GRXCR2: variants seen among roughly 807,000 people sequenced by gnomAD.
The protein encoded by GRXCR2 is glutaredoxin domain-containing cysteine-rich protein 2.
GRXCR2 carries 23 observed loss-of-function variants against 24.8 expected under a neutral mutation model. The observed-to-expected ratio is 0.93, with a 90% CI of 0.67 to 1.32. GRXCR2 has a LOEUF of 1.32. GRXCR2 is among the 40% of genes most tolerant of loss of function. GRXCR2 has a pLI of 0.00. For synonymous variants in GRXCR2, 130 were observed against 116.1 expected, an observed-to-expected ratio of 1.12 and a Z score of -0.77; for missense variants, 315 against 303.4, an observed-to-expected ratio of 1.04 and a Z score of -0.28.
In GRXCR2 at chr5:145,911,054, G is replaced by A. The variant is rs948503383; in HGVS notation, c.-70+24647C>T. Among the ~76,000 whole-genome samples the A allele has an allele frequency of 2.6e-5, 4 of 152,128 alleles. No homozygotes were observed. In the East Asian group the frequency reaches 7.7e-4, roughly 29 times the overall value. ...TACTTTTATTTTCATTTTTAAAAAG[G>A]GGTTATATTATTTTTATTGAAAATA... On this transcript the variant is annotated intron_variant, in intron 2 of 3. Transcript: ENST00000639411.
At chr5:145,882,617 T>C (rs1756719335) in intron 2 of GRXCR2, among the ~76,000 whole-genome samples, 2 of 152,180 alleles carry the variant, frequency 1.3e-5, no homozygotes, top group African/African-American at 4.8e-5. Context: ...AGTGTGGCGA[T>C]TCCTCAAGGA....
At chr5:145,874,391 A>T (rs961578876), upstream of GRXCR2, among the ~76,000 whole-genome samples, 1 of 151,846 alleles carries the variant, frequency 6.6e-6, no homozygotes, top group Non-Finnish European at 1.5e-5. Flanking sequence ...TTTAGTAGAG[A>T]TGGAGTTTCA....
chr5:145,876,012 T>A (rs1459370367), upstream of GRXCR2, among the ~76,000 whole-genome samples: 1 of 150,568 alleles, frequency 6.6e-6, no homozygotes, highest in African/African-American at 2.4e-5. Context: ...AAAAGTTTTT[T>A]AAAAATTATC....
chr5:145,874,574 A>C (rs1005667036), upstream of GRXCR2, among the ~76,000 whole-genome samples: 4 of 152,124 alleles, frequency 2.6e-5, no homozygotes, highest in African/African-American at 9.7e-5. Flanking sequence ...GCAAACCCTC[A>C]TCACTTTGAT....
At chr5:145,915,678 G>A (rs1757227143) in intron 2 of GRXCR2, among the ~76,000 whole-genome samples, 1 of 151,520 alleles carries the variant, frequency 6.6e-6, no homozygotes, top group Non-Finnish European at 1.5e-5. Flanking sequence ...AGGTTGCAGT[G>A]AGCCCAGATC....
chr5:145,917,463 C>T (rs1581354731), intron 2 of GRXCR2, among the ~76,000 whole-genome samples: 1 of 152,082 alleles, frequency 6.6e-6, no homozygotes, highest in Admixed American at 6.5e-5. Context: ...ACACACCCTC[C>T]CACTCACTGA....
At chr5:145,898,328 A>G (rs913160357) in intron 2 of GRXCR2, among the ~76,000 whole-genome samples, 1 of 151,894 alleles carries the variant, frequency 6.6e-6, no homozygotes, top group Non-Finnish European at 1.5e-5. Flanking sequence ...GCCCTGGACC[A>G]GATGGATTCA....
intron 2 of GRXCR2, among the ~76,000 whole-genome samples, chr5:145,917,008 G>A (rs1224224746): frequency 6.6e-6 from 1 of 150,932 alleles, no homozygotes; most frequent in Non-Finnish European, 1.5e-5. Flanking sequence ...TACAAATCAT[G>A]CATTTCAACC....
upstream of GRXCR2, chr5:145,873,137 G>T (rs1756562291): frequency 3.3e-6 from 2 of 607,038 alleles, no homozygotes; most frequent in East Asian, 2.8e-5. Context: ...AATATTGATA[G>T]ACCCTCATGA....
chr5:145,931,108 T>C (rs1296989325), intron 2 of GRXCR2, among the ~76,000 whole-genome samples: 4 of 152,210 alleles, frequency 2.6e-5, no homozygotes, highest in Non-Finnish European at 5.9e-5. Context: ...CTCAGTTCAC[T>C]GCAGCCTCAA....
chr5:145,866,105 GC>G (rs1395361994), intron 2 of GRXCR2, among the ~76,000 whole-genome samples: 1 of 144,668 alleles, frequency 6.9e-6, no homozygotes, highest in Admixed American at 7.0e-5. Context: ...TTGAGATCCT[GC>G]CCAGGCAAAA....
Position 145,878,258 on chromosome 5 carries a change from G to A in GRXCR2, c.-69-11530C>T, listed in dbSNP as rs183399293. Among the ~76,000 whole-genome samples, 487 of 152,258 alleles carry A rather than the reference G, an allele frequency of 3.2e-3. 1 individual carries two copies. Among genetic ancestry groups the A allele is most frequent in the Middle Eastern group, 0.02 (6 of 294 alleles). On this transcript the variant is annotated intron_variant, in intron 2 of 3. Transcript: ENST00000639411. Reference sequence around the variant, plus strand: ...AATAACAAACTTCTCCGAGCTAAAGGAACATGCTCAAACCCATTGCAAGGA... The same window carrying A: ...AATAACAAACTTCTCCGAGCTAAAGAAACATGCTCAAACCCATTGCAAGGA...
chr5:145,907,401 C>G (rs1002064376), intron 2 of GRXCR2, among the ~76,000 whole-genome samples: 9 of 151,900 alleles, frequency 5.9e-5, no homozygotes, highest in African/African-American at 1.9e-4. Context: ...TGGTGGCGGG[C>G]AACTGTAAGC....
chr5:145,889,467 C>A (rs1446028606), intron 2 of GRXCR2, among the ~76,000 whole-genome samples: 1 of 152,158 alleles, frequency 6.6e-6, no homozygotes, highest in East Asian at 1.9e-4. Flanking sequence ...TGTCTTAGAA[C>A]TCCCAGCTGT....
At chr5:145,882,118 T>C (rs1159050726) in intron 2 of GRXCR2, among the ~76,000 whole-genome samples, 2 of 152,112 alleles carry the variant, frequency 1.3e-5, no homozygotes, top group Non-Finnish European at 2.9e-5. Context: ...GGGCAAGGAC[T>C]TCATGACTAA....
intron 2 of GRXCR2, among the ~76,000 whole-genome samples, chr5:145,890,118 C>T (rs1265274249): frequency 6.6e-6 from 1 of 152,188 alleles, no homozygotes; most frequent in Non-Finnish European, 1.5e-5. Flanking sequence ...AAGACAGCAT[C>T]TTCTTCTGTT....
chr5:145,866,698 T>C lies in GRXCR2; in HGVS notation c.367A>G (p.Ile123Val), dbSNP rs780429994. ...ATTTTCAGGTTATTAGTGTAGATGA[T>C]TATCTTTCCAAAATCTATAATAGGT... ...PLPIIDFGKI[I>V]IYTNNLKIIR... Residue 123 changes from isoleucine (I) to valine (V), a missense_variant, in exon 2 of 3, where the codon ATC (isoleucine) becomes GTC (valine). Physicochemically the swap from Ile to Val is conservative, Grantham distance 29 (BLOSUM62 3). Transcript: ENST00000377976. 1.2e-6 allele frequency: 2 copies of C among 1,612,362 alleles called. No individual in the cohort carries two copies. The highest frequency in any genetic ancestry group is 4.5e-5 in the East Asian group (2 of 44,862).
rs186767594 is a variant in GRXCR2, at chr5:145,868,748, T to C, written c.337-2020A>G. Among the ~76,000 whole-genome samples, 52 of 152,352 alleles carry C rather than the reference T, an allele frequency of 3.4e-4. 1 individual carries two copies. The highest frequency in any genetic ancestry group is 1.2e-3 in the Admixed American group (18 of 15,304). On this transcript the variant is annotated intron_variant, in intron 1 of 2. Transcript: ENST00000377976. ...AAACCCCTGTTTCTGAGCTGCTCAA[T>C]GTCTGAGACACCCAAGATAGCAAGT...
intron 2 of GRXCR2, 46 bp from the exon 3 acceptor site, chr5:145,859,961 C>T (rs371464968): frequency 6.0e-5 from 89 of 1,478,388 alleles, no homozygotes; most frequent in Non-Finnish European, 7.6e-5. Context: ...AGTTCAAGTC[C>T]GTTGTTCACA....
Sources: gnomAD v4.1 joint callset for allele counts (sites outside exome capture counted in the v4.1 genomes callset) on GRCh38, gnomAD v4.1.1 for gene constraint, MANE v1.5 for transcripts, NCBI Gene and HGNC (gene_info 2026-07-23, HGNC 2026-07-21) for gene names.